The following TP63 variants were observed in gnomAD, a reference collection of about 807,000 sequenced individuals.
The protein encoded by TP63 is tumor protein p63, also known as tumor protein 63.
A neutral mutation model predicts 82.8 loss-of-function variants in TP63; 17 were observed. The ratio of observed to expected loss-of-function variants is 0.21; its 90% CI spans 0.14 to 0.31. The LOEUF (loss-of-function observed/expected upper bound fraction) is 0.31. Ranked by LOEUF, TP63 falls within the 10% of genes least tolerant of loss-of-function variation. The pLI, the probability that TP63 is intolerant of heterozygous loss-of-function variation, is 1.00. For missense variants in TP63, 648 were observed against 895.3 expected (o/e 0.72, Z 3.52); for synonymous variants, 330 against 321.7 (o/e 1.03, Z -0.28).
chr3:189,809,555 A>G (rs574861674), intron 4 of TP63, among the ~76,000 whole-genome samples: 44 of 152,244 alleles, frequency 2.9e-4, no homozygotes, highest in South Asian at 8.3e-4. Context: ...AAACAACTTA[A>G]TGTTTACATG....
rs2108873689 is a variant in TP63 at position 189,894,313 on chromosome 3, G to A, written c.1854G>A (p.Arg618=). The A allele has an allele frequency of 6.2e-7, 1 of 1,613,682 alleles. No individual in the cohort carries two copies. The highest frequency in any genetic ancestry group is 1.1e-5 in the South Asian group (1 of 91,038). The change falls in exon 14 of 14, where the codon CGG becomes CGA. Residue 618 remains arginine (R), a synonymous_variant. Transcript: ENST00000264731. Reference sequence around the variant, plus strand: ...TCTCCTCCCCTTCTCATCTCCTGCGGACCCCAAGCAGTGCCTCTACAGTCA... The same window carrying A: ...TCTCCTCCCCTTCTCATCTCCTGCGAACCCCAAGCAGTGCCTCTACAGTCA... ...HEFSSPSHLL[R]TPSSASTVSV...
intron 4 of TP63, among the ~76,000 whole-genome samples, chr3:189,835,770 T>C (rs1046277208): frequency 6.6e-5 from 10 of 151,790 alleles, no homozygotes; most frequent in Admixed American, 2.6e-4. Context: ...AAAAATTAAC[T>C]GGCCATGGTG....
intron 1 of TP63, among the ~76,000 whole-genome samples, chr3:189,632,187 T>C (rs1729501752): frequency 6.6e-6 from 1 of 152,154 alleles, no homozygotes; most frequent in Admixed American, 6.6e-5. Flanking sequence ...AATTAGACTT[T>C]GCTATTTTTA....
intron 10 of TP63, among the ~76,000 whole-genome samples, chr3:189,875,395 G>A (rs902915167): frequency 4.0e-5 from 6 of 150,710 alleles, no homozygotes; most frequent in East Asian, 2.0e-4. Flanking sequence ...GTGAAACCCC[G>A]TCGCTACTAA....
chr3:189,628,712 A>T (rs1442837977), upstream of TP63, among the ~76,000 whole-genome samples: 1 of 152,130 alleles, frequency 6.6e-6, no homozygotes, highest in Admixed American at 6.5e-5. Context: ...CAAAGATATA[A>T]TTCATGCATT....
rs777306829 is a variant in TP63 at position 189,886,503 on chromosome 3, C to T, written c.1459C>T (p.Arg487Cys). The T allele has an allele frequency of 1.0e-4, 166 of 1,614,080 alleles. 1 individual carries two copies. Among genetic ancestry groups the T allele is most frequent in the Middle Eastern group, 4.9e-4 (3 of 6,062 alleles). Residue 487 changes from arginine (R) to cysteine (C), a missense_variant, in exon 11 of 14, where the codon CGC (arginine) becomes TGC (cysteine). This residue lies in a region of TP63 where 342 missense variants were observed against 425.7 expected (regional missense o/e 0.80). Transcript: ENST00000264731. ...GAGCCAGCTTATCAACCCTCAGCAG[C>T]GCAACGCCCTCACTCCTACAACCAT... ...SVSQLINPQQ[R>C]NALTPTTIPD...
At chr3:189,608,078 T>G in the TP63 span, among the ~76,000 whole-genome samples, 2 of 152,202 alleles carry the variant, frequency 1.3e-5, no homozygotes, top group Admixed American at 1.3e-4. Flanking sequence ...TTAATTACAA[T>G]AACCTGGCTT....
the TP63 span, among the ~76,000 whole-genome samples, chr3:189,603,874 C>T: frequency 4.6e-5 from 7 of 151,296 alleles, no homozygotes. Context: ...GAAACAAAAC[C>T]AACAAAAAGA....
In TP63 at chr3:189,651,798, A is replaced by G. The variant is rs375274688; in HGVS notation, c.62+20221A>G. Among the ~76,000 whole-genome samples the G allele has an allele frequency of 4.2e-4, 61 of 146,920 alleles. 8 individuals are homozygous for G. Among genetic ancestry groups the G allele is most frequent in the African/African-American group, 1.5e-3 (57 of 39,210 alleles). ...CCCCTGCTCTGTGCAGCCTCGGGAC[A>G]TGGTGCTCTGCGTCCCAGATGCTTC... On this transcript the variant is annotated intron_variant, in intron 1 of 13. Coordinates refer to ENST00000264731, the MANE Select transcript of TP63 (RefSeq NM_003722.5).
intron 3 of TP63, among the ~76,000 whole-genome samples, chr3:189,800,224 T>TA (rs921941031): frequency 6.6e-6 from 1 of 151,944 alleles, no homozygotes; most frequent in African/African-American, 2.4e-5. Context: ...AGTTAGCCTT[T>TA]AAAAAAATGA....
intron 3 of TP63, among the ~76,000 whole-genome samples, chr3:189,775,220 CAAAAAA>C (rs56288032): frequency 1.1e-5 from 1 of 93,026 alleles, no homozygotes; most frequent in Non-Finnish European, 2.1e-5. Flanking sequence ...AACTCTGTCT[CAAAAAA>C]AAAAAAAAAA....
intron 1 of TP63, among the ~76,000 whole-genome samples, chr3:189,732,818 C>T (rs1275322176): frequency 6.6e-6 from 1 of 152,206 alleles, no homozygotes; most frequent in African/African-American, 2.4e-5. Context: ...AGAGATGTTT[C>T]ACCCACAAAT....
chr3:189,654,410 A>G (rs1713150696), intron 1 of TP63, among the ~76,000 whole-genome samples: 1 of 152,276 alleles, frequency 6.6e-6, no homozygotes, highest in Non-Finnish European at 1.5e-5. Context: ...AGATTAACTA[A>G]TTATTTTGTT....
At chr3:189,615,954 A>G in the TP63 span, among the ~76,000 whole-genome samples, 131 of 152,196 alleles carry the variant, frequency 8.6e-4, 1 homozygote, top group Non-Finnish European at 1.4e-3. Flanking sequence ...TTGACTGTTA[A>G]GACCCGATCT....
chr3:189,652,623 A>C (rs180745205), intron 1 of TP63, among the ~76,000 whole-genome samples: 1 of 146,618 alleles, frequency 6.8e-6, no homozygotes, highest in Non-Finnish European at 1.5e-5. Context: ...AATTGTAAGA[A>C]CATGAGATTT....
At chr3:189,626,760 T>TA (rs1439134606), upstream of TP63, among the ~76,000 whole-genome samples, 3 of 152,108 alleles carry the variant, frequency 2.0e-5, no homozygotes, top group African/African-American at 7.2e-5. Flanking sequence ...GAATCTGACT[T>TA]ACGCCTACAG....
intron 3 of TP63, among the ~76,000 whole-genome samples, chr3:189,751,626 A>G (rs1721827476): frequency 6.6e-6 from 1 of 152,086 alleles, no homozygotes; most frequent in African/African-American, 2.4e-5. Flanking sequence ...TTCTTTTGAG[A>G]AGTGTCTGTT....
chr3:189,821,033 G>A (rs1488987967), intron 4 of TP63, among the ~76,000 whole-genome samples: 1 of 152,102 alleles, frequency 6.6e-6, no homozygotes, highest in African/African-American at 2.4e-5. Context: ...ATATGTAATT[G>A]TGTATACTTT....
At chr3:189,633,586 A>G (rs1382090586) in intron 1 of TP63, among the ~76,000 whole-genome samples, 1 of 152,058 alleles carries the variant, frequency 6.6e-6, no homozygotes, top group East Asian at 1.9e-4. Context: ...GCTACATAGT[A>G]TTTTTAAGTA....
Sources: allele counts gnomAD v4.1 joint callset (sites outside exome capture counted in the v4.1 genomes callset), GRCh38; gene constraint gnomAD v4.1.1; regional missense constraint gnomAD v4.1.1; transcripts MANE v1.5; gene names NCBI Gene and HGNC (gene_info 2026-07-23, HGNC 2026-07-21).